The following FAM110B variants were observed in gnomAD, a reference collection of about 807,000 sequenced individuals.
FAM110B encodes the protein protein FAM110B.
In FAM110B, 6 loss-of-function variants were observed where a neutral mutation model predicts 20.4. The observed-to-expected ratio is 0.29, with a 90% confidence interval of 0.16 to 0.58. The LOEUF is 0.58. FAM110B is among the 20% of genes least tolerant of loss of function. FAM110B has a pLI of 0.90. For missense variants in FAM110B, 434 were observed against 498.2 expected, an observed-to-expected ratio of 0.87 and a Z score of 1.23; for synonymous variants, 226 against 214.1, an observed-to-expected ratio of 1.06 and a Z score of -0.49.
At chr8:58,110,351 A>T (rs1305997343) in intron 3 of FAM110B, among the ~76,000 whole-genome samples, 1 of 152,194 alleles carries the variant, frequency 6.6e-6, no homozygotes, top group South Asian at 2.1e-4. Context: ...TTTACTTAGG[A>T]TGTTATTCTG....
At position 58,121,326 on chromosome 8, in the gene FAM110B, A is replaced by G. The variant is rs573491852; in HGVS notation, c.-324-24581A>G. 3.9e-5 allele frequency among the ~76,000 whole-genome samples: 6 copies of G among 152,338 alleles called. No individual in the cohort carries two copies. In the South Asian group the frequency reaches 1.2e-3, roughly 32 times the overall value. On this transcript the variant is annotated intron_variant, in intron 3 of 3. Coordinates refer to ENST00000519262, the MANE Select transcript of FAM110B (RefSeq NM_001377989.1). ...ATTCTCCTGTGGGTCTCAGAAGTCT[A>G]GTAGAGCTCATGAAAGTAAAGAGAA... is the stretch of plus-strand genomic sequence containing the variant.
intron 1 of FAM110B, among the ~76,000 whole-genome samples, chr8:58,003,191 C>T (rs989138736): frequency 3.9e-5 from 6 of 152,176 alleles, no homozygotes; most frequent in African/African-American, 1.4e-4. Flanking sequence ...AGCAACTCCT[C>T]ATCTGTTAGT....
intron 3 of FAM110B, among the ~76,000 whole-genome samples, chr8:58,124,562 T>C (rs905663523): frequency 2.6e-5 from 4 of 152,220 alleles, no homozygotes; most frequent in African/African-American, 9.6e-5. Context: ...TCTAGTGATG[T>C]ATGTGAAGAG....
chr8:58,128,418 A>G (rs573232489), intron 3 of FAM110B, among the ~76,000 whole-genome samples: 18 of 152,214 alleles, frequency 1.2e-4, no homozygotes, highest in African/African-American at 3.9e-4. Flanking sequence ...TGTAATCCTT[A>G]CATCACTTCC....
chr8:58,145,724 C>A (rs1201809788), intron 3 of FAM110B, among the ~76,000 whole-genome samples, 183 bp from the exon 4 acceptor site: 1 of 152,218 alleles, frequency 6.6e-6, no homozygotes, highest in African/African-American at 2.4e-5. Flanking sequence ...CGCGCGTCGG[C>A]GCAGGCGGGG....
intron 2 of FAM110B, among the ~76,000 whole-genome samples, chr8:58,053,933 G>A (rs1805504443): frequency 6.6e-6 from 1 of 152,174 alleles, no homozygotes; most frequent in East Asian, 1.9e-4. Flanking sequence ...CCCTGAACCA[G>A]CACAGGTTCA....
At chr8:57,999,981 C>T (rs959508933) in intron 1 of FAM110B, among the ~76,000 whole-genome samples, 1 of 152,152 alleles carries the variant, frequency 6.6e-6, no homozygotes, top group African/African-American at 2.4e-5. Context: ...ATTCATCAAA[C>T]TTCACCGAAG....
chr8:58,104,335 G>A (rs1444845771), intron 3 of FAM110B, among the ~76,000 whole-genome samples: 4 of 152,122 alleles, frequency 2.6e-5, no homozygotes, highest in Non-Finnish European at 4.4e-5. Flanking sequence ...AAGATCCCAA[G>A]ACAAAGTAGA....
intron 3 of FAM110B, among the ~76,000 whole-genome samples, chr8:58,135,947 G>C (rs1443650536): frequency 6.6e-6 from 1 of 150,472 alleles, no homozygotes; most frequent in Non-Finnish European, 1.5e-5. Flanking sequence ...AGGTGTGCCT[G>C]GTTCACCCAA....
chr8:58,104,320 C>A (rs969704063), intron 3 of FAM110B, among the ~76,000 whole-genome samples: 4 of 152,160 alleles, frequency 2.6e-5, no homozygotes, highest in African/African-American at 9.7e-5. Flanking sequence ...CACCTGAGAG[C>A]AGCTAAGATC....
chr8:58,023,702 T>G (rs1804800806), intron 1 of FAM110B, among the ~76,000 whole-genome samples: 1 of 152,230 alleles, frequency 6.6e-6, no homozygotes, highest in African/African-American at 2.4e-5. Context: ...GTTTGCTTTG[T>G]TATTGTATTC....
intron 1 of FAM110B, among the ~76,000 whole-genome samples, chr8:57,995,871 T>C (rs150480182): frequency 1.6e-4 from 25 of 152,350 alleles, no homozygotes; most frequent in African/African-American, 5.5e-4. Context: ...TGTGACAACA[T>C]TGCACTTCTG....
intron 3 of FAM110B, among the ~76,000 whole-genome samples, chr8:58,084,383 C>T (rs1806276689): frequency 2.7e-5 from 4 of 150,314 alleles, no homozygotes; most frequent in Admixed American, 2.6e-4. Flanking sequence ...GGACTTGAAT[C>T]TCCATTTTCC....
intron 3 of FAM110B, chr8:58,106,198 G>A (rs1806909726): frequency 6.6e-6 from 1 of 152,148 alleles, no homozygotes; most frequent in Non-Finnish European, 1.5e-5. Context: ...ATTAAATAAA[G>A]TGCAAACCTC....
At chr8:58,038,129 G>A (rs1291417786) in intron 2 of FAM110B, among the ~76,000 whole-genome samples, 6 of 152,324 alleles carry the variant, frequency 3.9e-5, no homozygotes, top group Admixed American at 2.6e-4. Flanking sequence ...TTGAGAAAGC[G>A]TGTGGTCCTC....
At chr8:58,133,104 C>A (rs1461554971) in intron 3 of FAM110B, among the ~76,000 whole-genome samples, 1 of 151,720 alleles carries the variant, frequency 6.6e-6, no homozygotes, top group Non-Finnish European at 1.5e-5. Flanking sequence ...TTTGCCCTCC[C>A]AGCAATGTCT....
chr8:58,032,990 G>T (rs1563345899), intron 2 of FAM110B, among the ~76,000 whole-genome samples: 1 of 152,142 alleles, frequency 6.6e-6, no homozygotes, highest in Non-Finnish European at 1.5e-5. Context: ...TGAGGTTTGG[G>T]ATATAAATGA....
intron 3 of FAM110B, among the ~76,000 whole-genome samples, chr8:58,135,075 TG>T (rs1803578001): frequency 6.6e-6 from 1 of 152,198 alleles, no homozygotes; most frequent in Non-Finnish European, 1.5e-5. Flanking sequence ...GAAACAACAC[TG>T]TGATAAGGTG....
At chr8:58,126,416 A>G (rs1807505342) in intron 3 of FAM110B, among the ~76,000 whole-genome samples, 1 of 152,190 alleles carries the variant, frequency 6.6e-6, no homozygotes, top group Non-Finnish European at 1.5e-5. Context: ...AATGCCCAGG[A>G]GTGCACTTGC....
Sources: gnomAD v4.1 joint callset for allele counts (sites outside exome capture counted in the v4.1 genomes callset) on GRCh38, gnomAD v4.1.1 for gene constraint, MANE v1.5 for transcripts, NCBI Gene and HGNC (gene_info 2026-07-23, HGNC 2026-07-21) for gene names.